The following KCNS3 variants were observed in gnomAD, a reference collection of about 807,000 sequenced individuals.
The protein encoded by KCNS3 is potassium voltage-gated channel modifier subfamily S member 3.
KCNS3 carries 13 observed loss-of-function variants against 31.0 expected under a neutral mutation model. The observed-to-expected ratio is 0.42, with a 90% confidence interval of 0.27 to 0.67. The LOEUF is 0.67. Ranked by LOEUF, KCNS3 falls within the 30% of genes least tolerant of loss-of-function variation. KCNS3 has a pLI of 0.25. For synonymous variants in KCNS3, 238 were observed against 241.5 expected, an observed-to-expected ratio of 0.99 and a Z score of 0.13; for missense variants, 545 against 622.4, an observed-to-expected ratio of 0.88 and a Z score of 1.32.
intron 1 of KCNS3, chr2:17,879,350 C>T (rs1404336337): frequency 2.0e-5 from 3 of 152,348 alleles, no homozygotes; most frequent in African/African-American, 7.2e-5. Flanking sequence ...CCCCTTTGCC[C>T]TGCAGCTGTG....
Position 17,931,491 on chromosome 2 carries a change from A to G in KCNS3, c.483A>G (p.Thr161=), listed in dbSNP as rs1662966861. 3.1e-6 allele frequency: 5 copies of G among 1,614,188 alleles called. No homozygotes were observed. Among genetic ancestry groups the G allele is most frequent in the East Asian group, 2.2e-5 (1 of 44,874 alleles). ...AGAAAGAGCTGGAGAAGTTTGACAC[A>G]CTGCGATTTGGTCAGCTCCGGAAGA... ...LFEKELEKFD[T]LRFGQLRKKI... Residue 161 remains threonine (T), a synonymous_variant, in exon 3 of 3, where the codon ACA becomes ACG. Transcript: ENST00000304101. The surrounding 1 kb of genome is among the most constrained non-coding windows in gnomAD (Gnocchi z 5.4).
At chr2:17,902,804 C>G (rs79663237) in intron 1 of KCNS3, among the ~76,000 whole-genome samples, 5,830 of 152,296 alleles carry the variant, frequency 0.038, 129 homozygotes, top group Middle Eastern at 0.082. Context: ...GTATGATGAT[C>G]TTATCAGCCA....
intron 1 of KCNS3, among the ~76,000 whole-genome samples, chr2:17,889,668 G>T (rs944237719): frequency 3.3e-5 from 5 of 151,996 alleles, no homozygotes; most frequent in Non-Finnish European, 7.4e-5. Context: ...TGCTTTTTTT[G>T]CATCTATTGA....
intron 1 of KCNS3, among the ~76,000 whole-genome samples, chr2:17,908,769 A>T (rs1057144360): frequency 1.3e-5 from 2 of 152,214 alleles, no homozygotes; most frequent in African/African-American, 4.8e-5. Flanking sequence ...AGGCTGCAGA[A>T]CAGCGAATAT....
chr2:17,927,623 G>A (rs1056407780), intron 2 of KCNS3, among the ~76,000 whole-genome samples: 2 of 152,098 alleles, frequency 1.3e-5, no homozygotes, highest in Non-Finnish European at 2.9e-5. Flanking sequence ...GAGCAAAGGG[G>A]GAAGAGCCCC....
chr2:17,931,711 G>A lies in KCNS3; in HGVS notation c.703G>A (p.Gly235Arg), dbSNP rs780182339. The A allele has an allele frequency of 5.0e-6, 8 of 1,613,358 alleles. No individual in the cohort carries two copies. The highest frequency in any genetic ancestry group is 3.3e-5 in the South Asian group (3 of 90,970). The change falls in exon 3 of 3, where the codon GGG becomes AGG. Residue 235 changes from glycine (G) to arginine (R), a missense_variant. Gly to Arg is a moderately radical substitution (Grantham distance 125). Transcript: ENST00000304101. The surrounding 1 kb of genome is among the most constrained non-coding windows in gnomAD (Gnocchi z 5.4). ...VEIACIAWFT[G>R]ELAVRLAAAP... The stretch of plus-strand genomic sequence containing the variant: ...GATCGCGTGCATTGCCTGGTTCACC[G>A]GGGAGCTTGCCGTCCGGCTGGCTGC...
chr2:17,879,222 C>T (rs1327648773), intron 1 of KCNS3, among the ~76,000 whole-genome samples: 1 of 152,248 alleles, frequency 6.6e-6, no homozygotes, highest in Non-Finnish European at 1.5e-5. Flanking sequence ...AGGGGCATCC[C>T]CGGGGCGTTT....
intron 2 of KCNS3, among the ~76,000 whole-genome samples, chr2:17,930,400 G>C (rs1000569842): frequency 9.2e-5 from 14 of 152,112 alleles, no homozygotes. Context: ...TCTCTTAAAG[G>C]AGTAAAACAT....
chr2:17,879,747 C>T (rs888092934), intron 1 of KCNS3, among the ~76,000 whole-genome samples: 1 of 152,188 alleles, frequency 6.6e-6, no homozygotes, highest in African/African-American at 2.4e-5. Flanking sequence ...ATGTCTCCCC[C>T]CGGTTTTGTC....
intron 1 of KCNS3, among the ~76,000 whole-genome samples, chr2:17,884,268 A>AAT (rs1227638443): frequency 1.1e-3 from 53 of 46,668 alleles, no homozygotes; most frequent in African/African-American, 2.2e-3. Context: ...AAAAAAAAAA[A>AAT]ATATATATAT....
Position 17,884,221 on chromosome 2 carries a change from G to C in KCNS3, c.-252+5415G>C, listed in dbSNP as rs867613415. 5.1e-5 allele frequency among the ~76,000 whole-genome samples: 7 copies of C among 138,464 alleles called. No homozygotes were observed. In the East Asian group the frequency reaches 1.6e-3, roughly 32 times the overall value. 90.8% of individuals were successfully genotyped at this position (138,464 alleles called of 152,430 possible). The stretch of plus-strand genomic sequence containing the variant: ...GTATACATATGTAACAAACCTGCAC[G>C]TTGTGCACATGTACCCTAGAACTTA... On this transcript the variant is annotated intron_variant, in intron 1 of 2. Transcript: ENST00000304101.
intron 1 of KCNS3, among the ~76,000 whole-genome samples, chr2:17,882,119 C>T (rs552685955): frequency 5.9e-5 from 9 of 152,100 alleles, no homozygotes; most frequent in Non-Finnish European, 1.0e-4. Flanking sequence ...TGCTAAGTGC[C>T]CAGTACTACA....
chr2:17,909,363 T>G (rs1006621380), intron 1 of KCNS3, among the ~76,000 whole-genome samples: 1 of 152,178 alleles, frequency 6.6e-6, no homozygotes, highest in South Asian at 2.1e-4. Flanking sequence ...TGTCACCCCT[T>G]ACCTTAGCTA....
chr2:17,891,828 C>T (rs1451578191), intron 1 of KCNS3, among the ~76,000 whole-genome samples: 1 of 152,078 alleles, frequency 6.6e-6, no homozygotes, highest in Non-Finnish European at 1.5e-5. Flanking sequence ...TTATAGGTTA[C>T]CTGGTGCTTC....
Position 17,931,061 on chromosome 2 carries a change from A to G in KCNS3, c.53A>G (p.Asn18Ser), listed in dbSNP as rs781117752. 54 of 1,613,938 alleles carry G rather than the reference A, an allele frequency of 3.3e-5. No individual in the cohort carries two copies. Among genetic ancestry groups the G allele is most frequent in the Non-Finnish European group, 4.1e-5 (48 of 1,179,984 alleles). ...HRPGQDEELV[N>S]LNVGGFKQSV... ...CCTGGACAAGACGAGGAACTTGTCA[A>G]CCTGAATGTGGGGGGCTTTAAGCAG... is the stretch of plus-strand genomic sequence containing the variant. The change falls in exon 3 of 3, where the codon AAC becomes AGC. Residue 18 changes from asparagine (N) to serine (S), a missense_variant. Physicochemically the swap from Asn to Ser is conservative, Grantham distance 46. Transcript: ENST00000304101. This position sits in a 1 kb window ranked among gnomAD's most constrained non-coding sequence, Gnocchi z 5.4.
intron 1 of KCNS3, among the ~76,000 whole-genome samples, chr2:17,888,097 T>C (rs1187537489): frequency 1.3e-5 from 2 of 152,184 alleles, no homozygotes; most frequent in African/African-American, 4.8e-5. Context: ...GTCAGATATA[T>C]AGATTGTGAA....
chr2:17,886,682 GTCCATCCATCCATCCA>G (rs61140648), intron 1 of KCNS3, among the ~76,000 whole-genome samples: 1 of 149,988 alleles, frequency 6.7e-6, no homozygotes, highest in Admixed American at 6.6e-5. Context: ...CCATCCGTCC[GTCCATCCATCCATCCA>G]TCCATCCATC....
At chr2:17,918,036 C>A (rs939772831) in intron 2 of KCNS3, among the ~76,000 whole-genome samples, 165 bp downstream of exon 2, 3 of 152,210 alleles carry the variant, frequency 2.0e-5, no homozygotes, top group African/African-American at 7.2e-5. Flanking sequence ...AAGTGTTGGT[C>A]TCAAAGGATT....
At chr2:17,915,455 C>G (rs963469013) in intron 1 of KCNS3, among the ~76,000 whole-genome samples, 1 of 152,076 alleles carries the variant, frequency 6.6e-6, no homozygotes, top group Non-Finnish European at 1.5e-5. Context: ...TCTGCTCACT[C>G]CCCCCAATCC....
Sources: gnomAD v4.1 joint callset for allele counts (sites outside exome capture counted in the v4.1 genomes callset) on GRCh38, gnomAD v4.1.1 for gene constraint, Gnocchi (gnomAD v3.1) non-coding constraint, MANE v1.5 for transcripts, NCBI Gene and HGNC (gene_info 2026-07-23, HGNC 2026-07-21) for gene names.